Variants in GRIN2B observed in about 807,000 individuals in gnomAD.
GRIN2B encodes the protein glutamate receptor ionotropic, NMDA 2B.
A neutral mutation model predicts 114.5 loss-of-function variants in GRIN2B; 5 were observed. That is an observed-to-expected ratio of 0.04 (90% CI 0.02 to 0.09). GRIN2B has a LOEUF of 0.09. Ranked by LOEUF, GRIN2B falls within the 10% of genes least tolerant of loss-of-function variation. The pLI is 1.00. For missense variants in GRIN2B, 1,108 were observed against 1,943.5 expected (o/e 0.57, Z 8.08); for synonymous variants, 787 against 745.1 (o/e 1.06, Z -0.92).
intron 4 of GRIN2B, among the ~76,000 whole-genome samples, chr12:13,731,984 A>G (rs1665985424): frequency 6.6e-6 from 1 of 152,158 alleles, no homozygotes; most frequent in African/African-American, 2.4e-5. Flanking sequence ...TAATAGTAAC[A>G]CTCATTCAGC....
chr12:13,678,419 T>C (rs898184955), intron 4 of GRIN2B, among the ~76,000 whole-genome samples: 7 of 152,126 alleles, frequency 4.6e-5, no homozygotes, highest in Admixed American at 2.6e-4. Flanking sequence ...ACACAGCTAA[T>C]TGGGAGCAGA....
intron 3 of GRIN2B, among the ~76,000 whole-genome samples, chr12:13,796,625 C>A (rs1180113612): frequency 2.0e-5 from 3 of 152,260 alleles, no homozygotes; most frequent in South Asian, 2.1e-4. Context: ...ATTTAAAAAA[C>A]CTTTGTGAGA....
chr12:13,796,518 G>A (rs1311433799), intron 3 of GRIN2B, among the ~76,000 whole-genome samples: 1 of 152,194 alleles, frequency 6.6e-6, no homozygotes, highest in Non-Finnish European at 1.5e-5. Context: ...AGCTTTTAGG[G>A]CCATTTGAAA....
intron 4 of GRIN2B, among the ~76,000 whole-genome samples, chr12:13,711,095 T>C (rs1246002713): frequency 1.3e-5 from 2 of 152,180 alleles, no homozygotes; most frequent in African/African-American, 4.8e-5. Context: ...CCATCTGATC[T>C]TTGACAAACC....
chr12:13,946,429 T>C (rs1867363812), intron 2 of GRIN2B, among the ~76,000 whole-genome samples: 1 of 152,086 alleles, frequency 6.6e-6, no homozygotes, highest in African/African-American at 2.4e-5. Flanking sequence ...TTCTTTTCCC[T>C]GACATTGAAT....
intron 2 of GRIN2B, among the ~76,000 whole-genome samples, chr12:13,950,694 T>C (rs1201899024): frequency 6.6e-6 from 1 of 152,188 alleles, no homozygotes; most frequent in East Asian, 1.9e-4. Flanking sequence ...TGCACGACAG[T>C]AAATGCCCTT....
intron 2 of GRIN2B, among the ~76,000 whole-genome samples, chr12:13,979,062 A>G (rs1863083309): frequency 6.6e-6 from 1 of 152,178 alleles, no homozygotes; most frequent in Non-Finnish European, 1.5e-5. Context: ...CCCCTTCCAC[A>G]TGCACAGCAT....
rs1320635829 is a variant in GRIN2B, at chr12:13,562,706, C to T, written c.*77G>A. 5.9e-6 allele frequency: 7 copies of T among 1,190,982 alleles called. No homozygotes were observed. The highest frequency in any genetic ancestry group is 1.5e-5 in the African/African-American group (1 of 66,786). 73.8% of individuals were successfully genotyped at this position (1,190,982 alleles called of 1,614,324 possible). ...AAATGGGAACCAAGTTCACCCCCGTCACCCTCCGTGACATGCGCATCACGC... is the reference window on the plus strand; with the variant it reads ...AAATGGGAACCAAGTTCACCCCCGTTACCCTCCGTGACATGCGCATCACGC... On this transcript the variant is annotated 3_prime_UTR_variant, in exon 14 of 14. Transcript: ENST00000609686.
chr12:13,711,259 TA>T (rs1316823397), intron 4 of GRIN2B, among the ~76,000 whole-genome samples: 1 of 151,754 alleles, frequency 6.6e-6, no homozygotes, highest in Non-Finnish European at 1.5e-5. Flanking sequence ...ATGTTAGACC[TA>T]AAACCATAAA....
intron 4 of GRIN2B, among the ~76,000 whole-genome samples, chr12:13,714,765 G>A (rs924893060): frequency 2.6e-5 from 4 of 151,838 alleles, no homozygotes; most frequent in Non-Finnish European, 5.9e-5. Flanking sequence ...CAAGTTTAAG[G>A]GGTACATATG....
chr12:13,671,601 C>T (rs772372819), intron 5 of GRIN2B, among the ~76,000 whole-genome samples: 1 of 152,158 alleles, frequency 6.6e-6, no homozygotes. Flanking sequence ...ACAATTCCCC[C>T]CAAGTCCTTC....
rs117568702 is a variant in GRIN2B at position 13,831,221 on chromosome 12, C to G, written c.411+34577G>C. On this transcript the variant is annotated intron_variant, in intron 3 of 13. Coordinates refer to ENST00000609686, the MANE Select transcript of GRIN2B (RefSeq NM_000834.5). ...GATGGCGCCATGCTTCATGTACAGCCTGCAGAAGTGTAAGCCAAATAATCC... is the reference window on the plus strand; with the variant it reads ...GATGGCGCCATGCTTCATGTACAGCGTGCAGAAGTGTAAGCCAAATAATCC... Among the ~76,000 whole-genome samples, 201 of 152,328 alleles carry G rather than the reference C, an allele frequency of 1.3e-3. 1 individual carries two copies. In the East Asian group the frequency reaches 0.015, roughly 12 times the overall value.
rs118168671 is a variant in GRIN2B at position 13,739,639 on chromosome 12, G to T, written c.1010+13678C>A. ...ACTCCCCGGTGTAATACTTGTGGCT[G>T]ATGAGAAAGATTCTGAAAAAAAATA... On this transcript the variant is annotated intron_variant, in intron 4 of 13. Transcript: ENST00000609686. Among the ~76,000 whole-genome samples the T allele has an allele frequency of 1.1e-3, 169 of 151,574 alleles. 2 individuals are homozygous for T. The East Asian group carries it at 0.026, about 23-fold the overall frequency.
At chr12:13,884,951 G>A (rs989202573) in intron 2 of GRIN2B, among the ~76,000 whole-genome samples, 7 of 152,160 alleles carry the variant, frequency 4.6e-5, no homozygotes, top group South Asian at 2.1e-4. Context: ...ATTAGCACAT[G>A]TAGTGGTTAT....
At chr12:13,930,434 C>T (rs1318993774) in intron 2 of GRIN2B, among the ~76,000 whole-genome samples, 1 of 152,102 alleles carries the variant, frequency 6.6e-6, no homozygotes, top group Non-Finnish European at 1.5e-5. Flanking sequence ...GGGAATGCAT[C>T]TTAGAAGGAG....
intron 3 of GRIN2B, among the ~76,000 whole-genome samples, chr12:13,842,563 A>G (rs1159932621): frequency 6.6e-6 from 1 of 152,220 alleles, no homozygotes; most frequent in African/African-American, 2.4e-5. Context: ...CAGCTTCACC[A>G]TACCCTCAGT....
chr12:13,713,322 C>T (rs1414265799), intron 4 of GRIN2B, among the ~76,000 whole-genome samples: 1 of 151,784 alleles, frequency 6.6e-6, no homozygotes, highest in Admixed American at 6.6e-5. Context: ...TTCCTATTAG[C>T]CCTAATAATT....
At chr12:13,821,755 C>T (rs1473546607) in intron 3 of GRIN2B, among the ~76,000 whole-genome samples, 1 of 152,218 alleles carries the variant, frequency 6.6e-6, no homozygotes. Context: ...CCACTATTCT[C>T]AAACAGCTTA....
chr12:13,833,865 T>C (rs150358143), intron 3 of GRIN2B, among the ~76,000 whole-genome samples: 1 of 151,996 alleles, frequency 6.6e-6, no homozygotes, highest in Non-Finnish European at 1.5e-5. Flanking sequence ...CTAATGAAGA[T>C]TACAGATGAA....
Sources: allele counts gnomAD v4.1 joint callset (sites outside exome capture counted in the v4.1 genomes callset), GRCh38; gene constraint gnomAD v4.1.1; transcripts MANE v1.5; gene names NCBI Gene and HGNC (gene_info 2026-07-23, HGNC 2026-07-21).